Variants in FLNC observed in about 807,000 individuals in gnomAD.
FLNC encodes the protein filamin C.
Under a neutral mutation model 254.3 loss-of-function variants are expected in FLNC, and 91 were observed. The observed-to-expected ratio is 0.36, with a 90% CI of 0.30 to 0.43. FLNC has a LOEUF of 0.43. Ranked by LOEUF, FLNC falls within the 20% of genes least tolerant of loss-of-function variation. The probability of loss-of-function intolerance (pLI) is 1.00; values close to 1 mark genes in which losing one functional copy is unlikely to be tolerated. For synonymous variants in FLNC, 1,430 were observed against 1,577.2 expected (o/e 0.91, Z 2.21); for missense variants, 2,853 against 3,802.6 (o/e 0.75, Z 6.57).
chr7:128,830,551 C>T lies in FLNC; in HGVS notation c.-87C>T, dbSNP rs1807842119. On this transcript the variant is annotated 5_prime_UTR_variant, in exon 1 of 48. Transcript: ENST00000325888. ...GGAGAGCAGCGCAGCGCAGCGAGTC[C>T]CGTGGTCGCGCCCCAACAGCGCCCG... 4 of 1,113,540 alleles carry T rather than the reference C, an allele frequency of 3.6e-6. No individual in the cohort carries two copies. The highest frequency in any genetic ancestry group is 5.3e-6 in the Non-Finnish European group (4 of 749,778). The allele number at this position is 1,113,540 out of a possible 1,614,324, so 69.0% of individuals were successfully genotyped here.
Position 128,858,159 on chromosome 7 carries a change from G to A in FLNC, c.7932G>A (p.Gly2644=). Residue 2644 remains glycine (G), a synonymous_variant, in exon 47 of 48, where the codon GGG becomes GGA. Coordinates refer to ENST00000325888, the MANE Select transcript of FLNC (RefSeq NM_001458.5). This position sits in a 1 kb window ranked among gnomAD's most constrained non-coding sequence, Gnocchi z 6.7. ...DASKVVTRGP[G]LSQAFVGQKN... ...GCAAGGTGGTGACTCGGGGCCCTGGGCTGTCCCAGGCCTTCGTGGGCCAGA... is the reference window on the plus strand; with the variant it reads ...GCAAGGTGGTGACTCGGGGCCCTGGACTGTCCCAGGCCTTCGTGGGCCAGA... The A allele has an allele frequency of 6.2e-7, 1 of 1,600,382 alleles. No homozygotes were observed. Among genetic ancestry groups the A allele is most frequent in the East Asian group, 2.2e-5 (1 of 44,808 alleles).
chr7:128,831,387 A>G (rs1229906699), intron 1 of FLNC, among the ~76,000 whole-genome samples: 1 of 152,184 alleles, frequency 6.6e-6, no homozygotes, highest in Non-Finnish European at 1.5e-5. Context: ...CCCGCCCCCA[A>G]CAAAACAAGT....
At chr7:128,851,045 T>A in intron 33 of FLNC, 102 bp downstream of exon 33, 2 of 1,541,826 alleles carry the variant, frequency 1.3e-6, no homozygotes, top group African/African-American at 2.7e-5. Flanking sequence ...GAGCACCCGC[T>A]GTGTGCAGAC....
In FLNC at chr7:128,854,403, A is replaced by T. The variant is rs769678890; in HGVS notation, c.6728-10A>T. ...CCCAGTGTTGCCCTGACATCCCCCA[A>T]ACCCTGCAGGTGAGGCCAGCTCTCA... On this transcript the variant is annotated splice_polypyrimidine_tract_variant and intron_variant, in intron 40 of 47. Transcript: ENST00000325888. The T allele has an allele frequency of 1.2e-6, 2 of 1,608,528 alleles. No individual in the cohort carries two copies. The highest frequency in any genetic ancestry group is 8.5e-7 in the Non-Finnish European group (1 of 1,177,974).
chr7:128,842,447 C>T lies in FLNC; in HGVS notation c.2265+73C>T, dbSNP rs527470487. 2,064 of 1,607,002 alleles carry T rather than the reference C, an allele frequency of 1.3e-3. 1 individual carries two copies. The highest frequency in any genetic ancestry group is 1.6e-3 in the Non-Finnish European group (1,847 of 1,176,584). ...GGAGGGCGGAACCCTCGCTGGAGTC[C>T]CTGTTGTCCCTGGGCTCAGGCTGGG... On this transcript the variant is annotated intron_variant, in intron 14 of 47. Coordinates refer to ENST00000325888, the MANE Select transcript of FLNC (RefSeq NM_001458.5). The surrounding 1 kb of genome is among the most constrained non-coding windows in gnomAD (Gnocchi z 5.4).
intron 24 of FLNC, 101 bp downstream of exon 24, chr7:128,847,006 C>T (rs1808596345): frequency 1.4e-6 from 2 of 1,460,268 alleles, no homozygotes; most frequent in Non-Finnish European, 1.9e-6. Context: ...TAAGAATGTT[C>T]ATAGAGAGGA....
chr7:128,843,585 C>T lies in FLNC; in HGVS notation c.2811+8C>T. ...TACACCGCTGTCCAGCAGGTGCGCTCTGCCCCTCCCATGCTACCGCCCGGC... is the reference window on the plus strand; with the variant it reads ...TACACCGCTGTCCAGCAGGTGCGCTTTGCCCCTCCCATGCTACCGCCCGGC... On this transcript the variant is annotated splice_region_variant and intron_variant, in intron 18 of 47. Transcript: ENST00000325888. The T allele has an allele frequency of 6.2e-7, 1 of 1,613,598 alleles. No individual in the cohort carries two copies. The highest frequency in any genetic ancestry group is 8.5e-7 in the Non-Finnish European group (1 of 1,179,936).
Position 128,844,145 on chromosome 7 carries a change from A to G in FLNC, c.3071A>G (p.Gln1024Arg). 6.2e-7 allele frequency: 1 copy of G among 1,613,954 alleles called. No homozygotes were observed. Among genetic ancestry groups the G allele is most frequent in the African/African-American group, 1.3e-5 (1 of 75,070 alleles). Residue 1024 changes from glutamine to arginine, a missense_variant, in exon 20 of 48, where the codon CAG becomes CGG. Physicochemically the swap from Gln to Arg is conservative, Grantham distance 43 (BLOSUM62 1). Transcript: ENST00000325888. The stretch of plus-strand genomic sequence containing the variant: ...GAGCCAGGCGGTGGAGCGGAAGCCC[A>G]GGCTGTGCGCTACATGCCCCCGGAG... ...KLEPGGGAEA[Q>R]AVRYMPPEEG...
chr7:128,858,229 G>C lies in FLNC; in HGVS notation c.7990+12G>C. Reference sequence around the variant, plus strand: ...CTGCAGCAAAGCAGGCAGGTGGCGGGGGGAGGGCGTCTCCCGGGGTGTGAG... The same window carrying C: ...CTGCAGCAAAGCAGGCAGGTGGCGGCGGGAGGGCGTCTCCCGGGGTGTGAG... On this transcript the variant is annotated intron_variant, in intron 47 of 47. Transcript: ENST00000325888. The surrounding 1 kb of genome is among the most constrained non-coding windows in gnomAD (Gnocchi z 6.7). 3 of 1,385,680 alleles carry C rather than the reference G, an allele frequency of 2.2e-6. No homozygotes were observed. In the South Asian group the frequency reaches 3.5e-5, roughly 16 times the overall value. The allele number at this position is 1,385,680 out of a possible 1,614,324, so 85.8% of individuals were successfully genotyped here.
chr7:128,855,926 G>A (rs574034010), intron 43 of FLNC, among the ~76,000 whole-genome samples: 5 of 152,308 alleles, frequency 3.3e-5, no homozygotes, highest in East Asian at 1.9e-4. Context: ...TGCATAAGGC[G>A]CACAGAATGG....
At chr7:128,834,269 G>GATA (rs1265417394) in intron 1 of FLNC, among the ~76,000 whole-genome samples, 1 of 150,938 alleles carries the variant, frequency 6.6e-6, no homozygotes, top group Non-Finnish European at 1.5e-5. Flanking sequence ...GCCACCCCAG[G>GATA]CTTCTGGATA....
At chr7:128,853,068 T>C in intron 37 of FLNC, 37 bp downstream of exon 37, 1 of 1,592,088 alleles carries the variant, frequency 6.3e-7, no homozygotes. Context: ...TTCCAGCGGG[T>C]GCCTCCCACA....
At position 128,852,891 on chromosome 7, in the gene FLNC, A is replaced by T; in HGVS notation, c.6068A>T (p.His2023Leu). Residue 2023 changes from histidine (H) to leucine (L), a missense_variant, in exon 37 of 48, where the codon CAT (histidine) becomes CTT (leucine). Coordinates refer to ENST00000325888, the MANE Select transcript of FLNC (RefSeq NM_001458.5). The stretch of plus-strand genomic sequence containing the variant: ...GTGAGCGTGCGCAAGAGTGGCAAGC[A>T]TGTCACCAACAGCCCCTTCAAGATC... ...HVVSVRKSGK[H>L]VTNSPFKILV... is the part of the protein sequence containing the mutation. 1 of 1,613,770 alleles carries T rather than the reference A, an allele frequency of 6.2e-7. No individual in the cohort carries two copies. The highest frequency in any genetic ancestry group is 8.5e-7 in the Non-Finnish European group (1 of 1,180,024).
chr7:128,842,608 G>A lies in FLNC; in HGVS notation c.2299G>A (p.Val767Ile), dbSNP rs1293277374. 1.3e-6 allele frequency: 2 copies of A among 1,550,046 alleles called. No homozygotes were observed. Among genetic ancestry groups the A allele is most frequent in the East Asian group, 2.4e-5 (1 of 40,934 alleles). ...NVGEGSHPERVKVYGPGVEKT... is the reference protein window; with the variant it reads ...NVGEGSHPERIKVYGPGVEKT... ...GGGCGAGGGCAGCCACCCCGAGCGG[G>A]TAAAGGTGTACGGCCCCGGAGTGGA... The change falls in exon 15 of 48, where the codon GTA (valine) becomes ATA (isoleucine). Residue 767 changes from valine to isoleucine, a missense_variant. Around this residue, in one of 10 missense-constraint regions of FLNC, gnomAD observed 1,573 missense variants for 1,883.5 expected, o/e 0.84. Transcript: ENST00000325888. This position sits in a 1 kb window ranked among gnomAD's most constrained non-coding sequence, Gnocchi z 5.4.
chr7:128,853,536 G>A lies in FLNC; in HGVS notation c.6276G>A (p.Glu2092=). 2 of 1,614,140 alleles carry A rather than the reference G, an allele frequency of 1.2e-6. No individual in the cohort carries two copies. Among genetic ancestry groups the A allele is most frequent in the Non-Finnish European group, 1.7e-6 (2 of 1,180,040 alleles). Residue 2092 remains glutamate (E), a synonymous_variant, in exon 38 of 48, where the codon GAG becomes GAA. Transcript: ENST00000325888. ...TGGACATCAACTGTGAGGACATGGA[G>A]GACGGGACATGCAAAGTCACCTACT... is the stretch of plus-strand genomic sequence containing the variant. ...SKVDINCEDM[E]DGTCKVTYCP...
intron 21 of FLNC, 106 bp from the exon 22 acceptor site, chr7:128,845,884 G>GA: frequency 1.0e-6 from 1 of 985,124 alleles, no homozygotes; most frequent in South Asian, 1.4e-5. Context: ...GGGAAGAGGA[G>GA]GGGAAGAGGA....
intron 28 of FLNC, 67 bp downstream of exon 28, chr7:128,849,049 G>A: frequency 6.3e-7 from 1 of 1,597,288 alleles, no homozygotes; most frequent in South Asian, 1.1e-5. Context: ...CCAGAACCCT[G>A]GCCTGGTCCC....
chr7:128,851,560 A>G lies in FLNC; in HGVS notation c.5774A>G (p.Asp1925Gly). The G allele has an allele frequency of 6.2e-7, 1 of 1,613,934 alleles. No homozygotes were observed. Among genetic ancestry groups the G allele is most frequent in the Non-Finnish European group, 8.5e-7 (1 of 1,180,028 alleles). ...TCCTATCTGCCGACTGCGCCTGGAG[A>G]CTACAGCATCATCGTGCGCTTCGAT... Reference protein sequence around the residue: ...TVSYLPTAPGDYSIIVRFDDK... With the variant: ...TVSYLPTAPGGYSIIVRFDDK... Residue 1925 changes from aspartate to glycine, a missense_variant, in exon 35 of 48, where the codon GAC (aspartate) becomes GGC (glycine). By Grantham distance (94) the Asp-to-Gly change is moderately conservative. Around this residue, in one of 10 missense-constraint regions of FLNC, gnomAD observed 551 missense variants for 835.0 expected, o/e 0.66. Transcript: ENST00000325888.
chr7:128,833,620 C>CA (rs1440336713), intron 1 of FLNC, among the ~76,000 whole-genome samples: 52 of 75,628 alleles, frequency 6.9e-4, no homozygotes, highest in African/African-American at 5.7e-3. Context: ...ATACACACCG[C>CA]CCCCCCCAAC....
Sources: gnomAD v4.1 joint callset for allele counts (sites outside exome capture counted in the v4.1 genomes callset) on GRCh38, gnomAD v4.1.1 for gene constraint, gnomAD v4.1.1 regional missense constraint, Gnocchi (gnomAD v3.1) non-coding constraint, MANE v1.5 for transcripts, NCBI Gene and HGNC (gene_info 2026-07-23, HGNC 2026-07-21) for gene names.